LDB1: variants seen among roughly 807,000 people sequenced by gnomAD.
The protein encoded by LDB1 is LIM domain binding 1.
A neutral mutation model predicts 49.7 loss-of-function variants in LDB1; 6 were observed. The observed-to-expected ratio is 0.12, with a 90% CI of 0.07 to 0.24. LDB1 has a LOEUF of 0.24. LDB1 is among the 10% of genes least tolerant of loss of function. The pLI, the probability that LDB1 is intolerant of heterozygous loss-of-function variation, is 1.00. For missense variants in LDB1, 341 were observed against 561.7 expected (o/e 0.61, Z 3.97); for synonymous variants, 233 against 202.0 (o/e 1.15, Z -1.30).
intron 1 of LDB1, among the ~76,000 whole-genome samples, chr10:102,114,071 C>T (rs925126944): frequency 2.6e-5 from 4 of 152,212 alleles, no homozygotes; most frequent in African/African-American, 9.6e-5. Flanking sequence ...GATGTGTCAT[C>T]CAGCCCTGGA....
rs1564910581 is a variant in LDB1, at chr10:102,108,081, C to G, written c.*12G>C. ...AGGTAGGCAGAGCACTGGGTGGCCA[C>G]AGCAGGGCCTTTTACTGGGAGGCCT... is the stretch of plus-strand genomic sequence containing the variant. On this transcript the variant is annotated 3_prime_UTR_variant, in exon 11 of 11. Transcript: ENST00000673968. 1.2e-6 allele frequency: 2 copies of G among 1,606,008 alleles called. No individual in the cohort carries two copies. Among genetic ancestry groups the G allele is most frequent in the Non-Finnish European group, 1.7e-6 (2 of 1,173,064 alleles).
chr10:102,118,438 G>A (rs1452301089), intron 1 of LDB1, among the ~76,000 whole-genome samples: 1 of 151,682 alleles, frequency 6.6e-6, no homozygotes, highest in East Asian at 1.9e-4. Context: ...ACAAACCCCT[G>A]GGCTTGGGCC....
At position 102,120,366 on chromosome 10, in the gene LDB1, T is replaced by C. The variant is rs370021163; in HGVS notation, c.-256A>G. The C allele has an allele frequency of 2.5e-5, 25 of 983,616 alleles. No homozygotes were observed. In the East Asian group the frequency reaches 1.6e-3, roughly 63 times the overall value. The allele number at this position is 983,616 out of a possible 1,614,324, so 60.9% of individuals were successfully genotyped here. On this transcript the variant is annotated 5_prime_UTR_variant, in exon 1 of 11. Coordinates refer to ENST00000673968, the MANE Select transcript of LDB1 (RefSeq NM_001113407.3). ...CGCGCGGGTGTGAGTCCGCGGAGTG[T>C]GTGTCCGTGTGTGCGTGTGTGCGCG...
chr10:102,114,888 ACTCACACT>A (rs1038787141), intron 1 of LDB1: 1 of 965,420 alleles, frequency 1.0e-6, no homozygotes, highest in African/African-American at 2.0e-5. Context: ...ACTCACACTC[ACTCACACT>A]CGCACACTCA....
rs72845615 is a variant in LDB1, at chr10:102,117,790, C to T, written c.25+2296G>A. On this transcript the variant is annotated intron_variant, in intron 1 of 10. Coordinates refer to ENST00000673968, the MANE Select transcript of LDB1 (RefSeq NM_001113407.3). The surrounding 1 kb of genome is among the most constrained non-coding windows in gnomAD (Gnocchi z 4.2). ...TGATGCCCCTTAGTCAGAGGCTCTC[C>T]CTGCTCCCAGCCATTCCAGCCCCAG... Among the ~76,000 whole-genome samples, 4,702 of 152,282 alleles carry T rather than the reference C, an allele frequency of 0.031. 123 individuals carry two copies. Among genetic ancestry groups the T allele is most frequent in the Non-Finnish European group, 0.051 (3,450 of 67,998 alleles).
intron 1 of LDB1, among the ~76,000 whole-genome samples, chr10:102,119,295 T>C (rs2786846): frequency 0.76 from 112,198 of 148,432 alleles, 42,944 homozygotes; most frequent in Non-Finnish European, 0.8. Flanking sequence ...GTAGACGCCC[T>C]CCGCCCCCCC....
rs761857156 is a variant in LDB1 at position 102,109,955 on chromosome 10, C to T, written c.614G>A (p.Arg205Gln). The T allele has an allele frequency of 3.7e-6, 6 of 1,611,196 alleles. No homozygotes were observed. The highest frequency in any genetic ancestry group is 3.4e-6 in the Non-Finnish European group (4 of 1,179,878). ...AAGGATGCTGCGGGGGATGAGCTCT[C>T]GGTGCTGCCGGATGCTGAAGTGCCA... ...KTWHFSIRQHRELIPRSILAM... is the reference protein window; with the variant it reads ...KTWHFSIRQHQELIPRSILAM... The change falls in exon 7 of 11, where the codon CGA becomes CAA. Residue 205 changes from arginine (R) to glutamine (Q), a missense_variant. Physicochemically the swap from Arg to Gln is conservative, Grantham distance 43 (BLOSUM62 1). Around this residue, in one of 5 missense-constraint regions of LDB1, gnomAD observed 233 missense variants for 385.7 expected, o/e 0.60. Coordinates refer to ENST00000673968, the MANE Select transcript of LDB1 (RefSeq NM_001113407.3). This position sits in a 1 kb window ranked among gnomAD's most constrained non-coding sequence, Gnocchi z 5.8.
At chr10:102,111,219 G>A (rs1265757702) in intron 3 of LDB1, 37 bp downstream of exon 3, 7 of 1,613,314 alleles carry the variant, frequency 4.3e-6, no homozygotes, top group Non-Finnish European at 5.9e-6. Flanking sequence ...CCTTCACCCA[G>A]TGGAAAGCAC....
intron 1 of LDB1, among the ~76,000 whole-genome samples, chr10:102,119,537 C>T (rs2068382078): frequency 6.6e-6 from 1 of 152,018 alleles, no homozygotes; most frequent in Non-Finnish European, 1.5e-5. Flanking sequence ...CTTAGGAGTA[C>T]CTCCGGTGCC....
At chr10:102,104,037 G>A (rs1206543809), downstream of LDB1, among the ~76,000 whole-genome samples, 1 of 151,906 alleles carries the variant, frequency 6.6e-6, no homozygotes, top group Non-Finnish European at 1.5e-5. Context: ...ACTCCAGCCT[G>A]GGCGACACAG....
Position 102,107,577 on chromosome 10 carries a change from A to G in LDB1, c.*516T>C, listed in dbSNP as rs2068181403. 6.5e-6 allele frequency: 1 copy of G among 153,014 alleles called. No homozygotes were observed. Among genetic ancestry groups the G allele is most frequent in the African/African-American group, 2.4e-5 (1 of 41,256 alleles). 9.5% of individuals were successfully genotyped at this position (153,014 alleles called of 1,614,324 possible). On this transcript the variant is annotated 3_prime_UTR_variant, in exon 11 of 11. Transcript: ENST00000673968. Reference sequence around the variant, plus strand: ...ATGAGTGATTTTTTTTTTAACTTACATTTTTAATAATATTATTTTTAAAAA... The same window carrying G: ...ATGAGTGATTTTTTTTTTAACTTACGTTTTTAATAATATTATTTTTAAAAA...
rs1168343838 is a variant in LDB1 at position 102,120,153 on chromosome 10, C to T, written c.-43G>A. 1.6e-6 allele frequency: 2 copies of T among 1,265,150 alleles called. No individual in the cohort carries two copies. The highest frequency in any genetic ancestry group is 2.0e-6 in the Non-Finnish European group (2 of 996,592). 78.4% of individuals were successfully genotyped at this position (1,265,150 alleles called of 1,614,324 possible). A position where few individuals can be genotyped will look rare whatever the true frequency, so the allele number is the denominator to read the frequency against. ...CTGGGGGCCCAGCCGAGTCACGGTG[C>T]CCGCCCCTCGCGGGGACAGGCCGGG... On this transcript the variant is annotated 5_prime_UTR_variant, in exon 1 of 11. Coordinates refer to ENST00000673968, the MANE Select transcript of LDB1 (RefSeq NM_001113407.3).
intron 1 of LDB1, chr10:102,114,492 G>T: frequency 1.0e-6 from 1 of 986,298 alleles, no homozygotes; most frequent in Non-Finnish European, 1.2e-6. Flanking sequence ...CTGACGGGGG[G>T]ACAACTTCAG....
intron 1 of LDB1, chr10:102,114,458 G>A: frequency 4.1e-6 from 4 of 986,422 alleles, no homozygotes; most frequent in Non-Finnish European, 4.8e-6. Context: ...TGCAAGCCCA[G>A]AGGAGTCCTG....
chr10:102,110,843 A>G (rs758151017), intron 5 of LDB1, 26 bp downstream of exon 5: 3 of 1,602,258 alleles, frequency 1.9e-6, no homozygotes, highest in East Asian at 2.2e-5. Context: ...ATACACCCTC[A>G]TAGCAAGACC....
rs889245496 is a variant in LDB1, at chr10:102,106,712, AAGAGTGGGG to A, written c.*1372_*1380del. Among the ~76,000 whole-genome samples the A allele has an allele frequency of 6.6e-6, 1 of 152,090 alleles. No homozygotes were observed. The highest frequency in any genetic ancestry group is 2.4e-5 in the African/African-American group (1 of 41,464). On this transcript the variant is annotated 3_prime_UTR_variant, in exon 11 of 11. Coordinates refer to ENST00000673968, the MANE Select transcript of LDB1 (RefSeq NM_001113407.3). ...GTGGGGGACCCCAGAATCCAGAGGG[AAGAGTGGGG>A]AGAGAGGTGGTGTTAGCACTTCCTG...
At chr10:102,114,648 G>GGGGGCCA (rs1375401012) in intron 1 of LDB1, 3 of 950,310 alleles carry the variant, frequency 3.2e-6, no homozygotes, top group South Asian at 4.8e-5. Flanking sequence ...GCCGGGGGCC[G>GGGGGCCA]GGGGCCAGGG....
At position 102,117,887 on chromosome 10, in the gene LDB1, G is replaced by A. The variant is rs556496916; in HGVS notation, c.25+2199C>T. Among the ~76,000 whole-genome samples, 1 of 152,158 alleles carries A rather than the reference G, an allele frequency of 6.6e-6. No homozygotes were observed. Among genetic ancestry groups the A allele is most frequent in the Non-Finnish European group, 1.5e-5 (1 of 68,024 alleles). ...TGTGTGTATCTTGTGGTGCTTCTGC[G>A]TGTGCATGTGTGTGGGTCTGTGTGC... On this transcript the variant is annotated intron_variant, in intron 1 of 10. Coordinates refer to ENST00000673968, the MANE Select transcript of LDB1 (RefSeq NM_001113407.3). The surrounding 1 kb of genome is among the most constrained non-coding windows in gnomAD (Gnocchi z 4.2).
At position 102,110,535 on chromosome 10, in the gene LDB1, G is replaced by C; in HGVS notation, c.519C>G (p.Phe173Leu). The C allele has an allele frequency of 6.2e-7, 1 of 1,611,086 alleles. No individual in the cohort carries two copies. Among genetic ancestry groups the C allele is most frequent in the Non-Finnish European group, 8.5e-7 (1 of 1,178,450 alleles). Residue 173 changes from phenylalanine to leucine, a missense_variant, in exon 6 of 11, where the codon TTC (phenylalanine) becomes TTG (leucine). Transcript: ENST00000673968. ...SMVTQHGKPMFTQVCVEGRLY... is the reference protein window; with the variant it reads ...SMVTQHGKPMLTQVCVEGRLY... ...ATCCAGCTGGGTTGCTGACCTGGGT[G>C]AACATGGGCTTGCCATGCTGGGTCA...
Sources: allele counts gnomAD v4.1 joint callset (sites outside exome capture counted in the v4.1 genomes callset), GRCh38; gene constraint gnomAD v4.1.1; regional missense constraint gnomAD v4.1.1; non-coding constraint Gnocchi (gnomAD v3.1); transcripts MANE v1.5; gene names NCBI Gene and HGNC (gene_info 2026-07-23, HGNC 2026-07-21).